DLGAP2: variants seen among roughly 807,000 people sequenced by gnomAD.
DLGAP2 encodes the protein DLG associated protein 2, also known as disks large-associated protein 2.
Under a neutral mutation model 100.3 loss-of-function variants are expected in DLGAP2, and 26 were observed. The observed-to-expected ratio is 0.26, with a 90% confidence interval of 0.19 to 0.36. DLGAP2 has a LOEUF of 0.36. Among genes scored for constraint, DLGAP2 ranks in the 10% least tolerant of loss-of-function variants. DLGAP2 has a pLI of 1.00. For synonymous variants in DLGAP2, 886 were observed against 630.1 expected (o/e 1.41, Z -6.08); for missense variants, 1,858 against 1,453.2 (o/e 1.28, Z -4.53).
chr8:1,089,104 C>A (rs1158350444), intron 2 of DLGAP2, among the ~76,000 whole-genome samples: 1 of 137,436 alleles, frequency 7.3e-6, no homozygotes, highest in Non-Finnish European at 1.6e-5. Flanking sequence ...GCAATTCTTG[C>A]TCCCCGGCCT....
chr8:1,444,879 G>T (rs1490365352), intron 3 of DLGAP2, among the ~76,000 whole-genome samples: 1 of 145,994 alleles, frequency 6.8e-6, no homozygotes, highest in African/African-American at 2.6e-5. Flanking sequence ...TTCCAATTCA[G>T]GCAATTCTAC....
At chr8:1,344,079 A>T (rs79366095) in intron 3 of DLGAP2, among the ~76,000 whole-genome samples, 874 of 30,586 alleles carry the variant, frequency 0.029, 5 homozygotes, top group Middle Eastern at 0.089. Context: ...ATGCCTGCAA[A>T]TGTCGTACTC....
chr8:1,487,135 T>C (rs1799253878), intron 3 of DLGAP2, among the ~76,000 whole-genome samples: 1 of 152,068 alleles, frequency 6.6e-6, no homozygotes, highest in African/African-American at 2.4e-5. Context: ...TTTCTGCGAG[T>C]AAACTTGACA....
intron 1 of DLGAP2, among the ~76,000 whole-genome samples, chr8:757,312 C>T (rs192525739): frequency 3.0e-4 from 45 of 152,298 alleles, no homozygotes; most frequent in African/African-American, 1.1e-3. Flanking sequence ...GCCAACCTGC[C>T]CTCATCCAGT....
intron 3 of DLGAP2, among the ~76,000 whole-genome samples, chr8:1,281,411 CT>C (rs552055976): frequency 4.5e-4 from 69 of 152,308 alleles, no homozygotes; most frequent in African/African-American, 1.5e-3. Flanking sequence ...CCCCCAGTGG[CT>C]TACAGCTCAA....
chr8:859,876 T>C (rs1488514065), intron 1 of DLGAP2, among the ~76,000 whole-genome samples: 1 of 152,126 alleles, frequency 6.6e-6, no homozygotes, highest in Non-Finnish European at 1.5e-5. Context: ...TGGCTGGGTT[T>C]ATAAACGCAC....
chr8:809,814 T>C (rs1796338500), intron 1 of DLGAP2, among the ~76,000 whole-genome samples: 1 of 152,184 alleles, frequency 6.6e-6, no homozygotes, highest in South Asian at 2.1e-4. Context: ...TGATGAGTTT[T>C]CTCTGTTTCT....
At chr8:1,683,970 A>G (rs1376469751) in intron 12 of DLGAP2, among the ~76,000 whole-genome samples, 3 of 126,006 alleles carry the variant, frequency 2.4e-5, no homozygotes, top group African/African-American at 6.1e-5. Flanking sequence ...ATATATATAT[A>G]TATATATATA....
At chr8:1,180,291 T>C (rs7844065) in intron 2 of DLGAP2, among the ~76,000 whole-genome samples, 87,446 of 151,664 alleles carry the variant, frequency 0.58, 25,484 homozygotes, top group Admixed American at 0.66. Flanking sequence ...CGTGGAACTC[T>C]TCCACACTGC....
chr8:1,343,492 A>G (rs1265352977), intron 3 of DLGAP2, among the ~76,000 whole-genome samples: 1 of 152,148 alleles, frequency 6.6e-6, no homozygotes, highest in Admixed American at 6.5e-5. Flanking sequence ...GAAAACTGGC[A>G]CCACATGGCC....
At chr8:982,060 C>T (rs777020163) in intron 2 of DLGAP2, among the ~76,000 whole-genome samples, 1 of 152,222 alleles carries the variant, frequency 6.6e-6, no homozygotes, top group Non-Finnish European at 1.5e-5. Context: ...CTAACCATGT[C>T]TCCTCTGCAC....
intron 2 of DLGAP2, among the ~76,000 whole-genome samples, chr8:1,102,188 A>AATT (rs1804606717): frequency 6.7e-6 from 1 of 148,652 alleles, no homozygotes; most frequent in Admixed American, 6.8e-5. Flanking sequence ...AATTATATAT[A>AATT]ATATTGAATT....
intron 3 of DLGAP2, among the ~76,000 whole-genome samples, chr8:1,281,841 G>GTGGC (rs1420265820): frequency 6.6e-6 from 1 of 152,218 alleles, no homozygotes; most frequent in Non-Finnish European, 1.5e-5. Context: ...GATTTGCGAC[G>GTGGC]TGGCTCCACC....
At chr8:1,660,499 C>G (rs1391628289) in intron 8 of DLGAP2, among the ~76,000 whole-genome samples, 1 of 152,240 alleles carries the variant, frequency 6.6e-6, no homozygotes, top group Admixed American at 6.5e-5. Context: ...TCTTCACACA[C>G]AGATCCCCCT....
intron 5 of DLGAP2, among the ~76,000 whole-genome samples, chr8:1,560,364 C>T (rs909478250): frequency 2.6e-5 from 4 of 152,104 alleles, no homozygotes; most frequent in Admixed American, 6.5e-5. Context: ...TTTTCGCCCT[C>T]GTGAGCATCT....
At chr8:1,227,153 G>GATAGATATATATATATATAT (rs796173465) in intron 2 of DLGAP2, among the ~76,000 whole-genome samples, 27 of 89,706 alleles carry the variant, frequency 3.0e-4, no homozygotes, top group South Asian at 1.2e-3. Flanking sequence ...GAAACTGTGA[G>GATAGATATATATATATATAT]ATATATATAT....
intron 2 of DLGAP2, among the ~76,000 whole-genome samples, chr8:1,085,375 C>G (rs1202244078): frequency 6.6e-6 from 1 of 152,142 alleles, no homozygotes; most frequent in Non-Finnish European, 1.5e-5. Context: ...AGTCTTATTT[C>G]TCTGTCTATG....
At chr8:1,676,437 G>GTAAT in intron 10 of DLGAP2, 96 bp from the exon 11 acceptor site, 4 of 1,304,082 alleles carry the variant, frequency 3.1e-6, no homozygotes, top group South Asian at 2.6e-5. Context: ...AAACAAATGC[G>GTAAT]TAATTAATTA....
chr8:753,013 C>G (rs960698216), intron 1 of DLGAP2, among the ~76,000 whole-genome samples: 4 of 152,184 alleles, frequency 2.6e-5, no homozygotes, highest in African/African-American at 9.7e-5. Context: ...ACACCTCTTC[C>G]TTAAGGGAAC....
Sources: allele counts gnomAD v4.1 joint callset (sites outside exome capture counted in the v4.1 genomes callset), GRCh38; gene constraint gnomAD v4.1.1; transcripts MANE v1.5; gene names NCBI Gene and HGNC (gene_info 2026-07-23, HGNC 2026-07-21).